The following GABRG3 variants were observed in gnomAD, a reference collection of about 807,000 sequenced individuals.
GABRG3 encodes gamma-aminobutyric acid type A receptor subunit gamma3, also known as gamma-aminobutyric acid receptor subunit gamma-3.
GABRG3 carries 25 observed loss-of-function variants against 48.8 expected under a neutral mutation model. The ratio of observed to expected loss-of-function variants is 0.51; its 90% CI spans 0.37 to 0.72. The LOEUF (loss-of-function observed/expected upper bound fraction) is 0.72, where lower values mean the gene tolerates loss of function less well. GABRG3 is among the 30% of genes least tolerant of loss of function. GABRG3 has a pLI of 0.00. For missense variants in GABRG3, 394 were observed against 577.9 expected (o/e 0.68, Z 3.26); for synonymous variants, 227 against 217.6 (o/e 1.04, Z -0.38).
At chr15:27,508,115 G>A (rs1296774857) in intron 6 of GABRG3, among the ~76,000 whole-genome samples, 1 of 152,174 alleles carries the variant, frequency 6.6e-6, no homozygotes, top group Admixed American at 6.5e-5. Flanking sequence ...CTGACAACCT[G>A]TGTGTTTCAT....
At position 26,976,910 on chromosome 15, in the gene GABRG3, C is replaced by T. The variant is rs1263678446; in HGVS notation, c.54-92C>T. ...GGCTGTGGGTACTGGGGACTTTCTA[C>T]CCATTTCATGGTACTTGGATAGGAC... is the stretch of plus-strand genomic sequence containing the variant. On this transcript the variant is annotated intron_variant, in intron 1 of 9. Coordinates refer to ENST00000615808, the MANE Select transcript of GABRG3 (RefSeq NM_033223.5). This position sits in a 1 kb window ranked among gnomAD's most constrained non-coding sequence, Gnocchi z 7.8. 1.8e-5 allele frequency: 24 copies of T among 1,326,478 alleles called. No homozygotes were observed. The highest frequency in any genetic ancestry group is 2.4e-5 in the Non-Finnish European group (23 of 943,072). The allele number at this position is 1,326,478 out of a possible 1,614,324, so 82.2% of individuals were successfully genotyped here. A position where few individuals can be genotyped will look rare whatever the true frequency, so the allele number is the denominator to read the frequency against.
rs1313004009 is a variant in GABRG3 at position 27,534,880 on chromosome 15, G to A, written c.*1999G>A. 6.6e-6 allele frequency: 1 copy of A among 152,156 alleles called. No individual in the cohort carries two copies. The highest frequency in any genetic ancestry group is 6.5e-5 in the Admixed American group (1 of 15,288). 9.4% of individuals were successfully genotyped at this position (152,156 alleles called of 1,614,324 possible). A position where few individuals can be genotyped will look rare whatever the true frequency, so the allele number is the denominator to read the frequency against. On this transcript the variant is annotated 3_prime_UTR_variant, in exon 10 of 10. Transcript: ENST00000615808. ...TCTCCCTGTCAACTCTCTGTCTTTTGGTTTGGTAGTTGCTACATAATCCAC... is the reference window on the plus strand; with the variant it reads ...TCTCCCTGTCAACTCTCTGTCTTTTAGTTTGGTAGTTGCTACATAATCCAC...
rs566650189 is a variant in GABRG3 at position 27,536,817 on chromosome 15, C to T, written c.*3936C>T. The stretch of plus-strand genomic sequence containing the variant: ...GGGCCGGTAACCCATTCTGCATTGA[C>T]TCCAGCTCCCTATGACTAGGAAGCA... On this transcript the variant is annotated 3_prime_UTR_variant, in exon 10 of 10. Coordinates refer to ENST00000615808, the MANE Select transcript of GABRG3 (RefSeq NM_033223.5). 57 of 152,324 alleles carry T rather than the reference C, an allele frequency of 3.7e-4. No homozygotes were observed. The highest frequency in any genetic ancestry group is 1.3e-3 in the African/African-American group (55 of 41,560). The allele number at this position is 152,324 out of a possible 1,614,324, so 9.4% of individuals were successfully genotyped here.
intron 5 of GABRG3, chr15:27,340,818 A>G (rs752464986): frequency 6.6e-5 from 17 of 256,866 alleles, no homozygotes; most frequent in Non-Finnish European, 1.2e-4. Context: ...AGAGTATACA[A>G]AAGAAACCAT....
intron 3 of GABRG3, among the ~76,000 whole-genome samples, chr15:27,135,150 C>T (rs1897986286): frequency 6.6e-6 from 1 of 152,148 alleles, no homozygotes. Flanking sequence ...AAGAGAAATG[C>T]TTATGTAGGC....
intron 1 of GABRG3, 52 bp downstream of exon 1, chr15:26,971,640 C>T (rs1213775025): frequency 1.1e-5 from 16 of 1,505,556 alleles, no homozygotes; most frequent in Non-Finnish European, 1.4e-5. Context: ...GGCGACAGGG[C>T]GGCGGGGGGC....
chr15:27,164,403 C>T (rs903067186), intron 3 of GABRG3, among the ~76,000 whole-genome samples: 1 of 152,198 alleles, frequency 6.6e-6, no homozygotes, highest in African/African-American at 2.4e-5. Flanking sequence ...AATACTACTA[C>T]CCCTAATGTT....
At chr15:27,134,277 A>G (rs1897969253) in intron 3 of GABRG3, among the ~76,000 whole-genome samples, 1 of 152,238 alleles carries the variant, frequency 6.6e-6, no homozygotes, top group Admixed American at 6.5e-5. Flanking sequence ...GACTGCAGGT[A>G]CTAAACACAG....
intron 5 of GABRG3, among the ~76,000 whole-genome samples, chr15:27,385,469 C>T (rs1050061571): frequency 2.6e-5 from 4 of 151,820 alleles, no homozygotes; most frequent in Admixed American, 1.3e-4. Context: ...CTCTCCTTCG[C>T]GTCTCTCCTC....
chr15:27,297,391 A>G (rs1892032002), intron 3 of GABRG3, among the ~76,000 whole-genome samples: 1 of 152,200 alleles, frequency 6.6e-6, no homozygotes, highest in Admixed American at 6.6e-5. Context: ...TGACTCACCC[A>G]GGGCTACTTC....
At position 27,520,108 on chromosome 15, in the gene GABRG3, A is replaced by C. The variant is rs780884337; in HGVS notation, c.849A>C (p.Pro283=). The stretch of plus-strand genomic sequence containing the variant: ...TTTGGATCAAAAAAGATGCTACGCC[A>C]GCAAGAACAGCATTAGGTGAGTTTC... ...VSFWIKKDAT[P]ARTALGITTV... Residue 283 remains proline, a synonymous_variant, in exon 7 of 10, where the codon CCA becomes CCC. Coordinates refer to ENST00000615808, the MANE Select transcript of GABRG3 (RefSeq NM_033223.5). The C allele has an allele frequency of 1.2e-6, 2 of 1,604,122 alleles. No homozygotes were observed. Among genetic ancestry groups the C allele is most frequent in the South Asian group, 2.3e-5 (2 of 88,698 alleles).
intron 3 of GABRG3, among the ~76,000 whole-genome samples, chr15:27,221,563 C>T (rs1325388469): frequency 2.0e-5 from 3 of 152,038 alleles, no homozygotes; most frequent in African/African-American, 7.2e-5. Flanking sequence ...CTCAGAGAGA[C>T]CCGGAGAGTC....
chr15:27,393,656 A>AT (rs1482887755), intron 5 of GABRG3, among the ~76,000 whole-genome samples: 2 of 152,126 alleles, frequency 1.3e-5, no homozygotes, highest in Non-Finnish European at 2.9e-5. Flanking sequence ...CACTTGCTTA[A>AT]TTTTTTAAGG....
At chr15:27,491,150 C>G (rs759161106) in intron 6 of GABRG3, among the ~76,000 whole-genome samples, 1 of 152,226 alleles carries the variant, frequency 6.6e-6, no homozygotes, top group African/African-American at 2.4e-5. Flanking sequence ...GAGATGCTCA[C>G]GCTGGTCTGG....
At chr15:27,182,838 G>C (rs1015658536) in intron 3 of GABRG3, among the ~76,000 whole-genome samples, 1 of 152,202 alleles carries the variant, frequency 6.6e-6, no homozygotes, top group Non-Finnish European at 1.5e-5. Context: ...CCATTTGGCC[G>C]AGATGAGCTG....
At chr15:26,982,862 C>T (rs929580425) in intron 2 of GABRG3, among the ~76,000 whole-genome samples, 2 of 152,140 alleles carry the variant, frequency 1.3e-5, no homozygotes, top group Admixed American at 1.3e-4. Flanking sequence ...AACGTTCCAC[C>T]ATGATCATCA....
At chr15:27,029,944 A>G (rs1220121133) in intron 3 of GABRG3, among the ~76,000 whole-genome samples, 2 of 152,238 alleles carry the variant, frequency 1.3e-5, no homozygotes, top group East Asian at 3.9e-4. Context: ...TAGACCCGCT[A>G]TATCTGTGCA....
chr15:27,474,804 T>A (rs994575330), intron 5 of GABRG3, among the ~76,000 whole-genome samples: 5 of 152,092 alleles, frequency 3.3e-5, no homozygotes, highest in African/African-American at 1.2e-4. Flanking sequence ...TTGGAAACAA[T>A]CACCTCCCTA....
At chr15:27,434,169 C>T (rs904262245) in intron 5 of GABRG3, among the ~76,000 whole-genome samples, 1 of 152,170 alleles carries the variant, frequency 6.6e-6, no homozygotes, top group Non-Finnish European at 1.5e-5. Flanking sequence ...TATTCACACA[C>T]GTTATAAGTG....
Sources: gnomAD v4.1 joint callset for allele counts (sites outside exome capture counted in the v4.1 genomes callset) on GRCh38, gnomAD v4.1.1 for gene constraint, Gnocchi (gnomAD v3.1) non-coding constraint, MANE v1.5 for transcripts, NCBI Gene and HGNC (gene_info 2026-07-23, HGNC 2026-07-21) for gene names.